Variants in ZC3H12B observed in about 807,000 individuals in gnomAD.
ZC3H12B encodes the protein probable ribonuclease ZC3H12B.
In ZC3H12B, 7 loss-of-function variants were observed where a neutral mutation model predicts 43.9. The ratio of observed to expected loss-of-function variants is 0.16; its 90% CI spans 0.09 to 0.30. The LOEUF (loss-of-function observed/expected upper bound fraction) is 0.30. Ranked by LOEUF, ZC3H12B falls within the 10% of genes least tolerant of loss-of-function variation. The pLI, the probability that ZC3H12B is intolerant of heterozygous loss-of-function variation, is 1.00. For missense variants in ZC3H12B, 475 were observed against 670.2 expected (o/e 0.71, Z 3.22); for synonymous variants, 222 against 241.7 (o/e 0.92, Z 0.76).
chrX:65,177,401 C>G, the ZC3H12B span, among the ~76,000 whole-genome samples: 1 of 111,938 alleles, frequency 8.9e-6, no homozygotes, highest in Non-Finnish European at 1.9e-5. Context: ...AACTCCTATT[C>G]AACATAGTAT....
chrX:65,291,246 C>T, the ZC3H12B span, among the ~76,000 whole-genome samples: 1 of 110,718 alleles, frequency 9.0e-6, no homozygotes, highest in South Asian at 3.8e-4. Flanking sequence ...AATTCCCCGA[C>T]ACAGTAAAAT....
the ZC3H12B span, among the ~76,000 whole-genome samples, chrX:65,300,174 A>G: frequency 8.9e-6 from 1 of 112,153 alleles, no homozygotes; most frequent in African/African-American, 3.2e-5. Context: ...GGAAGGGTGA[A>G]TGGGGCATGC....
chrX:65,227,508 C>G, the ZC3H12B span, among the ~76,000 whole-genome samples: 1 of 110,281 alleles, frequency 9.1e-6, no homozygotes, highest in East Asian at 2.9e-4. Context: ...CAAAAGCTAG[C>G]AGAAGGCAAG....
chrX:65,121,303 T>C, the ZC3H12B span, among the ~76,000 whole-genome samples: 6 of 111,238 alleles, frequency 5.4e-5, no homozygotes, highest in Non-Finnish European at 1.1e-4. Flanking sequence ...GTTGGTAAGG[T>C]ATTAATTATT....
chrX:65,046,769 A>G, the ZC3H12B span, among the ~76,000 whole-genome samples: 5 of 111,235 alleles, frequency 4.5e-5, no homozygotes, highest in Non-Finnish European at 9.4e-5. Context: ...AAGCATAATG[A>G]TTTCTGGCCT....
At chrX:65,371,118 T>A (rs1415440148) in intron 2 of ZC3H12B, among the ~76,000 whole-genome samples, 1 of 111,880 alleles carries the variant, frequency 8.9e-6, no homozygotes. Flanking sequence ...TATTGAATTT[T>A]TAGGATGCTA....
At chrX:65,371,674 C>T (rs766549356) in intron 2 of ZC3H12B, among the ~76,000 whole-genome samples, 2 of 112,137 alleles carry the variant, frequency 1.8e-5, no homozygotes, top group Admixed American at 9.5e-5. Context: ...ATTAATGCAT[C>T]TTTCAGAGCT....
At chrX:65,300,889 A>G in the ZC3H12B span, among the ~76,000 whole-genome samples, 1 of 111,297 alleles carries the variant, frequency 9.0e-6, no homozygotes, top group Non-Finnish European at 1.9e-5. Flanking sequence ...AACAGAGTAA[A>G]CAGACAACCT....
chrX:65,248,646 G>A, the ZC3H12B span, among the ~76,000 whole-genome samples: 2 of 111,502 alleles, frequency 1.8e-5, no homozygotes, highest in East Asian at 2.8e-4. Flanking sequence ...GTTCTTTAAG[G>A]AATCTTCACG....
the ZC3H12B span, among the ~76,000 whole-genome samples, chrX:65,222,602 A>AAATAAT: frequency 9.0e-3 from 824 of 91,128 alleles, 6 homozygotes; most frequent in Non-Finnish European, 0.012. Flanking sequence ...AATAGCTGCA[A>AAATAAT]AATAATAATA....
At chrX:65,097,992 C>T in the ZC3H12B span, among the ~76,000 whole-genome samples, 70 of 111,304 alleles carry the variant, frequency 6.3e-4, no homozygotes, top group South Asian at 0.026. Context: ...TAAAGAGCTG[C>T]TTAAGGGCTG....
intron 2 of ZC3H12B, among the ~76,000 whole-genome samples, chrX:65,397,934 T>C (rs2066719950): frequency 8.9e-6 from 1 of 112,347 alleles, no homozygotes; most frequent in African/African-American, 3.2e-5. Flanking sequence ...TTAATAAATT[T>C]GCAGGATACA....
the ZC3H12B span, among the ~76,000 whole-genome samples, chrX:65,216,312 G>C: frequency 9.0e-6 from 1 of 111,195 alleles, no homozygotes; most frequent in Admixed American, 9.6e-5. Flanking sequence ...ATGTGTGCTT[G>C]AGGGAGAGAG....
the ZC3H12B span, among the ~76,000 whole-genome samples, chrX:65,126,216 A>G: frequency 3.6e-5 from 4 of 110,781 alleles, no homozygotes; most frequent in Non-Finnish European, 7.6e-5. Flanking sequence ...GTGTATCTGG[A>G]AAATACGGTA....
chrX:65,099,823 TCTC>T, the ZC3H12B span, among the ~76,000 whole-genome samples: 16 of 111,115 alleles, frequency 1.4e-4, no homozygotes, highest in African/African-American at 6.6e-5. Flanking sequence ...GAAAGCCTCA[TCTC>T]CTCCAAATGA....
chrX:65,176,372 G>A, the ZC3H12B span, among the ~76,000 whole-genome samples: 1 of 111,891 alleles, frequency 8.9e-6, no homozygotes, highest in Admixed American at 9.5e-5. Flanking sequence ...ATCTCTGAAA[G>A]GCAGGAGCCC....
chrX:65,247,659 T>A, the ZC3H12B span, among the ~76,000 whole-genome samples: 1 of 112,377 alleles, frequency 8.9e-6, no homozygotes, highest in African/African-American at 3.2e-5. Flanking sequence ...ACACTGCATG[T>A]TCTCACTTAT....
At chrX:65,451,354 T>A (rs1260801422) in intron 3 of ZC3H12B, among the ~76,000 whole-genome samples, 1 of 111,890 alleles carries the variant, frequency 8.9e-6, no homozygotes, top group African/African-American at 3.2e-5. Context: ...AAGTAGTGTA[T>A]GGAACTTCTT....
the ZC3H12B span, among the ~76,000 whole-genome samples, chrX:65,171,092 G>A: frequency 2.7e-5 from 3 of 111,582 alleles, no homozygotes; most frequent in Admixed American, 2.9e-4. Flanking sequence ...GAGAGGAGCT[G>A]TGTTTTTTTG....
Sources: gnomAD v4.1 joint callset for allele counts (sites outside exome capture counted in the v4.1 genomes callset) on GRCh38, gnomAD v4.1.1 for gene constraint, MANE v1.5 for transcripts, NCBI Gene and HGNC (gene_info 2026-07-23, HGNC 2026-07-21) for gene names.